The following VASH2 variants were observed in gnomAD, a reference collection of about 807,000 sequenced individuals.
The protein encoded by VASH2 is vasohibin 2.
Under a neutral mutation model 37.2 loss-of-function variants are expected in VASH2, and 28 were observed. That is an observed-to-expected ratio of 0.75 (90% confidence interval 0.56 to 1.03). VASH2 has a LOEUF of 1.03. Ranked by LOEUF, VASH2 falls within the 50% of genes least tolerant of loss-of-function variation. The pLI is 0.00. For synonymous variants in VASH2, 188 were observed against 174.7 expected (o/e 1.08, Z -0.60); for missense variants, 419 against 459.1 (o/e 0.91, Z 0.80).
chr1:212,952,572 G>A (rs1352711160), intron 2 of VASH2: 2 of 152,324 alleles, frequency 1.3e-5, no homozygotes, highest in African/African-American at 2.4e-5. Context: ...AGAAGCCAGT[G>A]AGCCATTTGG....
At chr1:212,956,093 G>C (rs1227376837) in intron 2 of VASH2, among the ~76,000 whole-genome samples, 1 of 152,214 alleles carries the variant, frequency 6.6e-6, no homozygotes, top group South Asian at 2.1e-4. Flanking sequence ...CCTAGTGCCT[G>C]GGGTTCTTGC....
Position 212,971,017 on chromosome 1 carries a change from T to G in VASH2, c.498-1563T>G, listed in dbSNP as rs972901549. ...CGTTCTACTCTCTGTCTGTATGCAC[T>G]TGCTACTCCAGGTACCGCAGATGAG... On this transcript the variant is annotated intron_variant, in intron 5 of 7. Transcript: ENST00000517399. The surrounding 1 kb of genome is among the most constrained non-coding windows in gnomAD (Gnocchi z 4.0). 1.3e-5 allele frequency among the ~76,000 whole-genome samples: 2 copies of G among 152,130 alleles called. No homozygotes were observed. The highest frequency in any genetic ancestry group is 2.9e-5 in the Non-Finnish European group (2 of 68,020).
intron 5 of VASH2, among the ~76,000 whole-genome samples, chr1:212,966,802 G>A (rs1248083673): frequency 2.0e-5 from 3 of 152,186 alleles, no homozygotes; most frequent in African/African-American, 2.4e-5. Context: ...ATCTCAGCTC[G>A]CTGCAACTTC....
intron 5 of VASH2, 113 bp downstream of exon 5, chr1:212,966,458 T>C: frequency 1.1e-6 from 1 of 879,474 alleles, no homozygotes. Flanking sequence ...TTATCTCCTT[T>C]GAGGAAAGTG....
chr1:212,969,134 T>C (rs1324970068), intron 5 of VASH2: 21 of 985,244 alleles, frequency 2.1e-5, no homozygotes, highest in Non-Finnish European at 2.5e-5. Flanking sequence ...TTCACGCTGC[T>C]GAACTCAGGG....
intron 7 of VASH2, among the ~76,000 whole-genome samples, chr1:212,979,778 T>A (rs1032492042): frequency 6.6e-6 from 1 of 152,120 alleles, no homozygotes; most frequent in Non-Finnish European, 1.5e-5. Flanking sequence ...CTCACACTGC[T>A]CCTCTGGGAG....
intron 2 of VASH2, among the ~76,000 whole-genome samples, chr1:212,953,747 A>C (rs73084251): frequency 0.028 from 4,221 of 152,150 alleles, 196 homozygotes; most frequent in African/African-American, 0.096. Flanking sequence ...AAATCTCATG[A>C]TGTTATGACC....
At chr1:212,983,050 C>A (rs577253044) in intron 7 of VASH2, among the ~76,000 whole-genome samples, 1 of 152,294 alleles carries the variant, frequency 6.6e-6, no homozygotes, top group Non-Finnish European at 1.5e-5. Flanking sequence ...AATAAAATAT[C>A]CCATGATAAA....
chr1:212,980,112 C>T (rs1667301402), intron 7 of VASH2, among the ~76,000 whole-genome samples: 1 of 152,148 alleles, frequency 6.6e-6, no homozygotes, highest in Admixed American at 6.5e-5. Context: ...CCAGGACCAC[C>T]CTGCCCAATA....
intron 7 of VASH2, among the ~76,000 whole-genome samples, chr1:212,985,403 C>T (rs55675185): frequency 0.15 from 21,818 of 149,868 alleles, 4,314 homozygotes; most frequent in African/African-American, 0.45. Flanking sequence ...GCTGCGCTGC[C>T]ATCTTTAGAG....
At chr1:212,975,853 AG>A (rs750442200) in intron 7 of VASH2, among the ~76,000 whole-genome samples, 12 of 152,326 alleles carry the variant, frequency 7.9e-5, no homozygotes, top group Non-Finnish European at 1.8e-4. Flanking sequence ...TAGAATCCAG[AG>A]GACATGAAGG....
Position 212,951,722 on chromosome 1 carries a change from C to T in VASH2, c.180C>T (p.Ser60=). 1.9e-6 allele frequency: 3 copies of T among 1,605,506 alleles called. No individual in the cohort carries two copies. The highest frequency in any genetic ancestry group is 1.1e-5 in the South Asian group (1 of 88,788). Residue 60 remains serine (S), a synonymous_variant, in exon 2 of 8, where the codon AGC becomes AGT. Transcript: ENST00000517399. This position sits in a 1 kb window ranked among gnomAD's most constrained non-coding sequence, Gnocchi z 4.4. ...HVNKSGFPID[S]HTWERMWMHV... ...ACAAGAGCGGCTTCCCCATCGACAG[C>T]CACACCTGGGAGCGCATGTGGATGC...
intron 5 of VASH2, chr1:212,967,560 G>A (rs1666888052): frequency 1.8e-6 from 1 of 542,394 alleles, no homozygotes; most frequent in Non-Finnish European, 2.6e-6. Flanking sequence ...CAACCCAGAT[G>A]AAAGCTCTGA....
chr1:212,977,276 A>G (rs563853968), intron 7 of VASH2, among the ~76,000 whole-genome samples: 19 of 152,266 alleles, frequency 1.2e-4, no homozygotes, highest in Admixed American at 5.9e-4. Flanking sequence ...TGCGGCTTTG[A>G]GCAAGCTGCT....
chr1:212,954,088 A>T (rs1486454562), intron 2 of VASH2, among the ~76,000 whole-genome samples: 1 of 151,940 alleles, frequency 6.6e-6, no homozygotes, highest in Non-Finnish European at 1.5e-5. Context: ...CTTAAAAAAA[A>T]ATTTTGTAGA....
chr1:212,963,333 C>T (rs1386150957), intron 3 of VASH2, among the ~76,000 whole-genome samples: 1 of 152,166 alleles, frequency 6.6e-6, no homozygotes, highest in African/African-American at 2.4e-5. Context: ...CAGCCCCCTG[C>T]CCACTGGGGC....
At chr1:212,986,255 T>C (rs562220981) in intron 7 of VASH2, among the ~76,000 whole-genome samples, 25 of 152,300 alleles carry the variant, frequency 1.6e-4, no homozygotes, top group African/African-American at 3.4e-4. Flanking sequence ...TGCAGGCAAA[T>C]TGAATTTTTG....
chr1:212,973,841 T>C (rs1484894055), intron 6 of VASH2, 114 bp from the exon 7 acceptor site: 1 of 1,461,792 alleles, frequency 6.8e-7, no homozygotes, highest in Non-Finnish European at 9.1e-7. Flanking sequence ...GCTCAATGCC[T>C]TCTAAACCAT....
chr1:212,953,577 A>G (rs1453794344), intron 2 of VASH2, among the ~76,000 whole-genome samples: 1 of 152,284 alleles, frequency 6.6e-6, no homozygotes, highest in East Asian at 1.9e-4. Context: ...GATGGAAGGG[A>G]CTTGGAGTAA....
Sources: gnomAD v4.1 joint callset for allele counts (sites outside exome capture counted in the v4.1 genomes callset) on GRCh38, gnomAD v4.1.1 for gene constraint, Gnocchi (gnomAD v3.1) non-coding constraint, MANE v1.5 for transcripts, NCBI Gene and HGNC (gene_info 2026-07-23, HGNC 2026-07-21) for gene names.